MYO1H: variants seen among roughly 807,000 people sequenced by gnomAD.
MYO1H encodes myosin IH, also known as unconventional myosin-Ih.
MYO1H carries 118 observed loss-of-function variants against 149.3 expected under a neutral mutation model. The ratio of observed to expected loss-of-function variants is 0.79; its 90% CI spans 0.68 to 0.92. MYO1H has a LOEUF of 0.92. MYO1H is among the 40% of genes least tolerant of loss of function. MYO1H has a pLI of 0.00. For missense variants in MYO1H, 1,212 were observed against 1,280.7 expected (o/e 0.95, Z 0.82); for synonymous variants, 447 against 465.2 (o/e 0.96, Z 0.50).
chr12:109,408,682 CA>C (rs1381707635), intron 10 of MYO1H, among the ~76,000 whole-genome samples: 1 of 152,102 alleles, frequency 6.6e-6, no homozygotes, highest in East Asian at 1.9e-4. Context: ...GTGGATGTGA[CA>C]AAATTCATGG....
the MYO1H span, among the ~76,000 whole-genome samples, chr12:109,312,097 A>C: frequency 6.6e-6 from 1 of 152,250 alleles, no homozygotes; most frequent in African/African-American, 2.4e-5. Flanking sequence ...TGGGAACACC[A>C]GTTCCTCACA....
At chr12:109,381,178 T>C (rs1289345743) in intron 1 of MYO1H, among the ~76,000 whole-genome samples, 1 of 151,940 alleles carries the variant, frequency 6.6e-6, no homozygotes, top group Non-Finnish European at 1.5e-5. Context: ...AAGGTCTAGG[T>C]TGAAAATAAA....
chr12:109,433,444 A>G (rs1359976595), intron 20 of MYO1H, among the ~76,000 whole-genome samples: 3 of 152,272 alleles, frequency 2.0e-5, no homozygotes, highest in Non-Finnish European at 4.4e-5. Flanking sequence ...GTAGTTATCC[A>G]TGAGCAGAGA....
chr12:109,424,924 G>A (rs1400520404), intron 17 of MYO1H, 96 bp downstream of exon 17: 2 of 879,490 alleles, frequency 2.3e-6, no homozygotes, highest in African/African-American at 3.3e-5. Flanking sequence ...CCCCTTTTCT[G>A]GAAGTATTAC....
At chr12:109,359,917 G>C (rs747753870) in intron 1 of MYO1H, among the ~76,000 whole-genome samples, 44 of 152,126 alleles carry the variant, frequency 2.9e-4, no homozygotes, top group Non-Finnish European at 5.7e-4. Flanking sequence ...TTGAACTCGG[G>C]AGATTTTCTC....
intron 15 of MYO1H, among the ~76,000 whole-genome samples, chr12:109,418,107 C>T (rs923559084): frequency 3.3e-5 from 5 of 151,952 alleles, no homozygotes; most frequent in Admixed American, 1.3e-4. Context: ...TGAGCCACCG[C>T]GCCCGGCCTA....
the MYO1H span, among the ~76,000 whole-genome samples, chr12:109,338,280 C>G: frequency 1.3e-5 from 2 of 152,116 alleles, no homozygotes; most frequent in African/African-American, 4.8e-5. Flanking sequence ...GAGACACTTT[C>G]AAGCATTGTA....
the MYO1H span, among the ~76,000 whole-genome samples, chr12:109,325,287 A>G: frequency 1.3e-5 from 2 of 152,196 alleles, no homozygotes; most frequent in African/African-American, 4.8e-5. Context: ...ATCCTTGAGG[A>G]ATTGCCACAC....
chr12:109,355,998 G>A (rs530448444), intron 1 of MYO1H, among the ~76,000 whole-genome samples: 18 of 152,048 alleles, frequency 1.2e-4, no homozygotes, highest in African/African-American at 3.9e-4. Context: ...GATTACAGGC[G>A]TGAGCCACCA....
rs942485628 is a variant in MYO1H at position 109,418,343 on chromosome 12, C to CT, written c.1598-2628dup. 3.4e-4 allele frequency among the ~76,000 whole-genome samples: 51 copies of CT among 148,840 alleles called. No homozygotes were observed. The South Asian group carries it at 6.2e-3, about 18-fold the overall frequency. Reference sequence around the variant, plus strand: ...TACTTTTGGTTTGAAATTAGTTTTACTTTTTTTTTTCTTTCTTTCTTTTGA... The same window carrying CT: ...TACTTTTGGTTTGAAATTAGTTTTACTTTTTTTTTTTCTTTCTTTCTTTTGA... On this transcript the variant is annotated intron_variant, in intron 15 of 31. Transcript: ENST00000310903.
chr12:109,351,796 A>G (rs1182147704), intron 1 of MYO1H, among the ~76,000 whole-genome samples: 1 of 152,256 alleles, frequency 6.6e-6, no homozygotes, highest in Non-Finnish European at 1.5e-5. Context: ...ATTCTGGAGT[A>G]AATGTTTCTA....
chr12:109,324,703 C>CTT, the MYO1H span, among the ~76,000 whole-genome samples: 12 of 144,724 alleles, frequency 8.3e-5, no homozygotes, highest in African/African-American at 3.1e-4. Flanking sequence ...TTTTTCTTTT[C>CTT]TTTTTTTTTT....
At chr12:109,312,785 G>A in the MYO1H span, among the ~76,000 whole-genome samples, 2 of 101,270 alleles carry the variant, frequency 2.0e-5, no homozygotes, top group East Asian at 4.9e-4. Context: ...TTTTTGTTTT[G>A]TTTTGTTTTT....
intron 19 of MYO1H, among the ~76,000 whole-genome samples, chr12:109,428,334 G>A (rs1168285558): frequency 1.3e-5 from 2 of 152,156 alleles, no homozygotes; most frequent in South Asian, 2.1e-4. Flanking sequence ...CAGGTTAGCG[G>A]TGGGGACATG....
At chr12:109,417,390 T>G (rs959070011) in intron 15 of MYO1H, among the ~76,000 whole-genome samples, 2 of 152,050 alleles carry the variant, frequency 1.3e-5, no homozygotes, top group African/African-American at 2.4e-5. Context: ...TGCAGTGGCA[T>G]GATCTCGGCT....
chr12:109,391,501 T>C (rs1049096185), intron 2 of MYO1H, among the ~76,000 whole-genome samples: 2 of 152,220 alleles, frequency 1.3e-5, no homozygotes, highest in Non-Finnish European at 2.9e-5. Context: ...TTTGGGTTGA[T>C]TCCATGTCTT....
chr12:109,417,513 G>C lies in MYO1H; in HGVS notation c.1597+1893G>C, dbSNP rs570044997. On this transcript the variant is annotated intron_variant, in intron 15 of 31. Coordinates refer to ENST00000310903, the Ensembl canonical transcript of MYO1H. ...TGGATAATTTTTTGCATTTTTAGTA[G>C]AGACGGGGTTTCACCGTGTTAGCCA... 2.6e-5 allele frequency among the ~76,000 whole-genome samples: 4 copies of C among 152,052 alleles called. 1 individual carries two copies. The South Asian group carries it at 6.2e-4, about 24-fold the overall frequency.
chr12:109,361,406 C>G (rs1868744128), intron 1 of MYO1H, among the ~76,000 whole-genome samples: 1 of 151,998 alleles, frequency 6.6e-6, no homozygotes, highest in African/African-American at 2.4e-5. Flanking sequence ...TGAGGACTTA[C>G]CCCCCAAAAA....
intron 2 of MYO1H, 112 bp from the exon 3 acceptor site, chr12:109,393,219 C>A: frequency 1.4e-6 from 1 of 697,736 alleles, no homozygotes. Context: ...AGAGACCCCG[C>A]CTGATTTATC....
Sources: gnomAD v4.1 joint callset for allele counts (sites outside exome capture counted in the v4.1 genomes callset) on GRCh38, gnomAD v4.1.1 for gene constraint, MANE v1.5 for transcripts, NCBI Gene and HGNC (gene_info 2026-07-23, HGNC 2026-07-21) for gene names.